Variants in TAF1A observed in about 807,000 individuals in gnomAD.
TAF1A encodes TATA-box binding protein associated factor, RNA polymerase I subunit A.
TAF1A carries 42 observed loss-of-function variants against 61.6 expected under a neutral mutation model. The ratio of observed to expected loss-of-function variants is 0.68; its 90% CI spans 0.53 to 0.88. TAF1A has a LOEUF of 0.88. Ranked by LOEUF, TAF1A falls within the 40% of genes least tolerant of loss-of-function variation. The probability of loss-of-function intolerance (pLI) is 0.00; values close to 1 mark genes in which losing one functional copy is unlikely to be tolerated. For missense variants in TAF1A, 424 were observed against 518.7 expected (o/e 0.82, Z 1.77); for synonymous variants, 179 against 177.7 (o/e 1.01, Z -0.06).
At chr1:222,554,840 G>A (rs1165782527), downstream of TAF1A, among the ~76,000 whole-genome samples, 1 of 152,052 alleles carries the variant, frequency 6.6e-6, no homozygotes, top group African/African-American at 2.4e-5. Flanking sequence ...TATGAGGGGA[G>A]GTGGGAAGGG....
chr1:222,555,331 T>C (rs1460602848), downstream of TAF1A, among the ~76,000 whole-genome samples: 1 of 152,232 alleles, frequency 6.6e-6, no homozygotes, highest in Non-Finnish European at 1.5e-5. Flanking sequence ...TTACTCAACG[T>C]CCTTTGATGA....
intron 5 of TAF1A, among the ~76,000 whole-genome samples, chr1:222,576,386 A>C (rs752098208): frequency 6.6e-6 from 1 of 152,232 alleles, no homozygotes; most frequent in Non-Finnish European, 1.5e-5. Flanking sequence ...TAATAAGGAA[A>C]TACTGCTTAC....
In TAF1A at chr1:222,558,485, C is replaced by A. The variant is rs974363511; in HGVS notation, c.*175G>T. 4.6e-5 allele frequency: 13 copies of A among 285,002 alleles called. No individual in the cohort carries two copies. The highest frequency in any genetic ancestry group is 6.4e-5 in the Non-Finnish European group (10 of 156,674). 17.7% of individuals were successfully genotyped at this position (285,002 alleles called of 1,614,324 possible). A position where few individuals can be genotyped will look rare whatever the true frequency, so the allele number is the denominator to read the frequency against. ...AGAAAACAGACATAGTTACAAAGAG[C>A]AAAGGCAGTAATATTGTTTCTCTAG... On this transcript the variant is annotated 3_prime_UTR_variant, in exon 11 of 11. Transcript: ENST00000352967.
intron 4 of TAF1A, among the ~76,000 whole-genome samples, chr1:222,579,420 C>G (rs1303694798): frequency 6.6e-6 from 1 of 152,178 alleles, no homozygotes; most frequent in African/African-American, 2.4e-5. Flanking sequence ...TTGTTTAGCT[C>G]TTTCCTTTTC....
At chr1:222,556,819 A>C (rs1430927584), downstream of TAF1A, among the ~76,000 whole-genome samples, 11 of 152,214 alleles carry the variant, frequency 7.2e-5, no homozygotes, top group Non-Finnish European at 2.9e-5. Flanking sequence ...GCTTTTGACT[A>C]AAAGTTTCAG....
intron 5 of TAF1A, 99 bp downstream of exon 5, chr1:222,577,345 AT>A: frequency 2.2e-6 from 2 of 899,918 alleles, no homozygotes; most frequent in Non-Finnish European, 3.4e-6. Flanking sequence ...GTTCTCCATA[AT>A]ATCTGGATGA....
At chr1:222,569,343 T>C (rs905459527) in intron 7 of TAF1A, 167 bp downstream of exon 7, 4 of 1,534,278 alleles carry the variant, frequency 2.6e-6, no homozygotes, top group African/African-American at 2.7e-5. Flanking sequence ...GTGTGGATGA[T>C]ACATACATGG....
intron 1 of TAF1A, among the ~76,000 whole-genome samples, 198 bp from the exon 2 acceptor site, chr1:222,588,763 C>A (rs774242267): frequency 6.6e-6 from 1 of 152,090 alleles, no homozygotes; most frequent in Non-Finnish European, 1.5e-5. Context: ...CATTAAAGAC[C>A]GAACCACTAA....
Position 222,577,482 on chromosome 1 carries a change from A to G in TAF1A, c.567T>C (p.Tyr189=), listed in dbSNP as rs755148048. ...ATTCCATCTTCTTTTCAGACCAGGT[A>G]TAATACTGTAAAAGCCCTTTATAGG... is the stretch of plus-strand genomic sequence containing the variant. ...IQAYKGLLQY[Y]TWSEKKMELS... The change falls in exon 5 of 11, where the codon TAT becomes TAC. Residue 189 remains tyrosine, a synonymous_variant. Coordinates refer to ENST00000352967, the MANE Select transcript of TAF1A (RefSeq NM_005681.4). 6.2e-7 allele frequency: 1 copy of G among 1,613,944 alleles called. No individual in the cohort carries two copies. The highest frequency in any genetic ancestry group is 8.5e-7 in the Non-Finnish European group (1 of 1,179,878).
At chr1:222,574,333 T>C (rs923607843) in intron 5 of TAF1A, among the ~76,000 whole-genome samples, 1 of 152,184 alleles carries the variant, frequency 6.6e-6, no homozygotes, top group East Asian at 1.9e-4. Flanking sequence ...TTGGCTGATA[T>C]GAAAACTCTG....
chr1:222,578,728 T>C (rs1367032555), intron 4 of TAF1A, among the ~76,000 whole-genome samples: 1 of 152,206 alleles, frequency 6.6e-6, no homozygotes, highest in Non-Finnish European at 1.5e-5. Context: ...TCACCATTTG[T>C]TACATTTCTA....
chr1:222,571,558 T>C (rs545226426), intron 5 of TAF1A, among the ~76,000 whole-genome samples: 39 of 151,912 alleles, frequency 2.6e-4, no homozygotes, highest in Non-Finnish European at 5.0e-4. Flanking sequence ...CAATACACAA[T>C]AATCAACTGT....
chr1:222,582,871 T>C (rs530790517), intron 3 of TAF1A, among the ~76,000 whole-genome samples: 7 of 152,294 alleles, frequency 4.6e-5, no homozygotes, highest in African/African-American at 1.4e-4. Context: ...AAACCACTTA[T>C]ATGAAATGTC....
chr1:222,585,838 G>T (rs1660993982), intron 2 of TAF1A, among the ~76,000 whole-genome samples: 1 of 151,860 alleles, frequency 6.6e-6, no homozygotes, highest in Non-Finnish European at 1.5e-5. Flanking sequence ...ATAACGCAAG[G>T]TATTAAAACC....
chr1:222,581,604 G>A (rs968027145), intron 3 of TAF1A, among the ~76,000 whole-genome samples: 6 of 152,190 alleles, frequency 3.9e-5, no homozygotes, highest in African/African-American at 1.4e-4. Flanking sequence ...AAAGAATGCA[G>A]CAGGACAAGG....
chr1:222,568,664 C>T (rs1273606554), intron 7 of TAF1A, among the ~76,000 whole-genome samples: 1 of 152,174 alleles, frequency 6.6e-6, no homozygotes, highest in Non-Finnish European at 1.5e-5. Flanking sequence ...GTCGATGGTA[C>T]AGTCACTTCA....
intron 7 of TAF1A, among the ~76,000 whole-genome samples, chr1:222,568,561 G>A (rs1474929310): frequency 6.6e-6 from 1 of 152,078 alleles, no homozygotes; most frequent in Non-Finnish European, 1.5e-5. Context: ...ATGCCACATG[G>A]GACACCCACA....
intron 5 of TAF1A, among the ~76,000 whole-genome samples, chr1:222,570,873 C>G (rs778648310): frequency 6.6e-6 from 1 of 152,096 alleles, no homozygotes; most frequent in Non-Finnish European, 1.5e-5. Flanking sequence ...TATTCTAAGC[C>G]AGTATTACCA....
At chr1:222,583,674 C>T (rs1339885896) in intron 3 of TAF1A, among the ~76,000 whole-genome samples, 1 of 151,682 alleles carries the variant, frequency 6.6e-6, no homozygotes. Flanking sequence ...CCCGTCTCTA[C>T]CAAAATACAA....
Sources: allele counts gnomAD v4.1 joint callset (sites outside exome capture counted in the v4.1 genomes callset), GRCh38; gene constraint gnomAD v4.1.1; transcripts MANE v1.5; gene names NCBI Gene and HGNC (gene_info 2026-07-23, HGNC 2026-07-21).